Variants in ZNRF2 observed in about 807,000 individuals in gnomAD.
ZNRF2 encodes E3 ubiquitin-protein ligase ZNRF2.
In ZNRF2, 16 loss-of-function variants were observed where a neutral mutation model predicts 20.4. The observed-to-expected ratio is 0.79, with a 90% confidence interval of 0.53 to 1.19. The LOEUF (loss-of-function observed/expected upper bound fraction) is 1.19. Ranked by LOEUF, ZNRF2 falls within the 50% of genes most tolerant of loss-of-function variation. The pLI, the probability that ZNRF2 is intolerant of heterozygous loss-of-function variation, is 0.00. For missense variants in ZNRF2, 363 were observed against 332.4 expected, an observed-to-expected ratio of 1.09 and a Z score of -0.72; for synonymous variants, 178 against 144.9, an observed-to-expected ratio of 1.23 and a Z score of -1.64.
intron 1 of ZNRF2, among the ~76,000 whole-genome samples, chr7:30,296,749 A>G (rs528656758): frequency 6.6e-6 from 1 of 152,350 alleles, no homozygotes; most frequent in East Asian, 1.9e-4. Flanking sequence ...GTTTCTTTAA[A>G]ACAAAATAAC....
intron 2 of ZNRF2, among the ~76,000 whole-genome samples, chr7:30,350,427 C>T (rs1301211546): frequency 6.6e-6 from 1 of 151,908 alleles, no homozygotes; most frequent in African/African-American, 2.4e-5. Flanking sequence ...ACTAGAGAGG[C>T]ATTGAAAAAG....
At chr7:30,319,973 A>G (rs530336716) in intron 1 of ZNRF2, among the ~76,000 whole-genome samples, 2 of 152,284 alleles carry the variant, frequency 1.3e-5, no homozygotes, top group East Asian at 3.9e-4. Context: ...GATAATTCCT[A>G]TAGTTGTTTA....
In ZNRF2 at chr7:30,355,820, A is replaced by G. The variant is rs1291550203; in HGVS notation, c.658A>G (p.Ile220Val). Residue 220 changes from isoleucine to valine, a missense_variant, in exon 3 of 5, where the codon ATA becomes GTA. Coordinates refer to ENST00000323037, the MANE Select transcript of ZNRF2 (RefSeq NM_147128.4). ...DTIARLPCLC[I>V]YHKGCIDEWF... ...TATAGCACGACTGCCTTGTCTATGC[A>G]TATATCATAAAGGGTAAGTTCACCA... The G allele has an allele frequency of 6.2e-7, 1 of 1,612,292 alleles. No homozygotes were observed. Among genetic ancestry groups the G allele is most frequent in the African/African-American group, 1.3e-5 (1 of 74,876 alleles).
rs936965004 is a variant in ZNRF2 at position 30,284,688 on chromosome 7, C to G, written c.-670C>G. ...ACCTCCTCCCCATCTGCGCACCCCC[C>G]GCCTTCGCGGCCCAGATCCTCCCGC... On this transcript the variant is annotated 5_prime_UTR_variant, in exon 1 of 5. Coordinates refer to ENST00000323037, the MANE Select transcript of ZNRF2 (RefSeq NM_147128.4). The G allele has an allele frequency of 6.2e-6, 1 of 161,120 alleles. No individual in the cohort carries two copies. The highest frequency in any genetic ancestry group is 1.9e-4 in the East Asian group (1 of 5,202). The allele number at this position is 161,120 out of a possible 1,614,324, so 10.0% of individuals were successfully genotyped here. A position where few individuals can be genotyped will look rare whatever the true frequency, so the allele number is the denominator to read the frequency against.
At chr7:30,304,657 G>A (rs1237705433) in intron 1 of ZNRF2, among the ~76,000 whole-genome samples, 1 of 152,172 alleles carries the variant, frequency 6.6e-6, no homozygotes, top group Non-Finnish European at 1.5e-5. Context: ...AGTCTATTAT[G>A]TTTAGGGCCA....
rs1162260313 is a variant in ZNRF2 at position 30,366,799 on chromosome 7, TAATC to T, written c.*789_*792del. On this transcript the variant is annotated 3_prime_UTR_variant, in exon 5 of 5. Coordinates refer to ENST00000323037, the MANE Select transcript of ZNRF2 (RefSeq NM_147128.4). ...CTCTTAAATAAAACTGCTCAACAGT[TAATC>T]AGCAGTGAATCATCTTGCAGCTATG... is the stretch of plus-strand genomic sequence containing the variant. 3.3e-5 allele frequency: 5 copies of T among 152,582 alleles called. No homozygotes were observed. Among genetic ancestry groups the T allele is most frequent in the African/African-American group, 1.2e-4 (5 of 41,450 alleles). The allele number at this position is 152,582 out of a possible 1,614,324, so 9.5% of individuals were successfully genotyped here. A position where few individuals can be genotyped will look rare whatever the true frequency, so the allele number is the denominator to read the frequency against.
intron 1 of ZNRF2, among the ~76,000 whole-genome samples, chr7:30,296,925 ATTTC>A (rs1362449476): frequency 6.6e-6 from 1 of 152,134 alleles, no homozygotes; most frequent in Admixed American, 6.5e-5. Flanking sequence ...AGAGTAGATA[ATTTC>A]TTTAGCTGTT....
chr7:30,285,680 G>T lies in ZNRF2; in HGVS notation c.323G>T (p.Ser108Ile). The T allele has an allele frequency of 2.1e-6, 3 of 1,449,184 alleles. No homozygotes were observed. The highest frequency in any genetic ancestry group is 2.7e-6 in the Non-Finnish European group (3 of 1,107,274). The allele number at this position is 1,449,184 out of a possible 1,614,324, so 89.8% of individuals were successfully genotyped here. Residue 108 changes from serine to isoleucine, a missense_variant, in exon 1 of 5, where the codon AGC becomes ATC. By Grantham distance (142) the Ser-to-Ile change is moderately radical. This residue lies in a region of ZNRF2 where 302 missense variants were observed against 231.5 expected (regional missense o/e 1.30). Coordinates refer to ENST00000323037, the MANE Select transcript of ZNRF2 (RefSeq NM_147128.4). ...CCCTTCAGCATCCCGAACAGCAGCA[G>T]CGGCCCGTACGGCTCGCAGGACTCG... The part of the protein sequence containing the change: ...QSPFSIPNSS[S>I]GPYGSQDSVH...
At chr7:30,294,347 C>T (rs1390646513) in intron 1 of ZNRF2, among the ~76,000 whole-genome samples, 5 of 152,116 alleles carry the variant, frequency 3.3e-5, no homozygotes, top group Admixed American at 6.5e-5. Flanking sequence ...ATTTTTGTTT[C>T]TTTTAAAATC....
chr7:30,298,869 G>A (rs1028303905), intron 1 of ZNRF2, among the ~76,000 whole-genome samples: 8 of 152,256 alleles, frequency 5.3e-5, no homozygotes, highest in Admixed American at 5.2e-4. Flanking sequence ...CAGTTCTTGT[G>A]CCTGCTGTAA....
At chr7:30,334,180 A>G (rs2127950005) in intron 2 of ZNRF2, among the ~76,000 whole-genome samples, 1 of 152,240 alleles carries the variant, frequency 6.6e-6, no homozygotes, top group East Asian at 1.9e-4. Context: ...ATATAATAAA[A>G]GGTAGGGGTT....
chr7:30,363,732 G>T (rs1054840358), intron 4 of ZNRF2, among the ~76,000 whole-genome samples: 1 of 150,750 alleles, frequency 6.6e-6, no homozygotes, highest in Non-Finnish European at 1.5e-5. Context: ...ATTGAATGCT[G>T]ACCTCAATTG....
intron 2 of ZNRF2, among the ~76,000 whole-genome samples, chr7:30,343,952 C>T (rs1393682049): frequency 3.9e-5 from 5 of 128,412 alleles, no homozygotes; most frequent in Non-Finnish European, 7.9e-5. Flanking sequence ...CCGAGTCTTG[C>T]TCTGTCACTC....
intron 1 of ZNRF2, among the ~76,000 whole-genome samples, chr7:30,295,050 A>AGAGAGAGAGTGT (rs1412764480): frequency 1.0e-3 from 39 of 38,276 alleles, no homozygotes; most frequent in Non-Finnish European, 1.4e-3. Flanking sequence ...AGAGAGAGAG[A>AGAGAGAGAGTGT]GTGTGTGTGT....
At chr7:30,318,551 T>A (rs1387161565) in intron 1 of ZNRF2, among the ~76,000 whole-genome samples, 5 of 152,230 alleles carry the variant, frequency 3.3e-5, no homozygotes, top group African/African-American at 4.8e-5. Flanking sequence ...ATCTCACCTG[T>A]ATTTTTCCTG....
Position 30,367,559 on chromosome 7 carries a change from T to C in ZNRF2, c.*1547T>C, listed in dbSNP as rs564970056. ...TTTAACGCTGCTACTCTTAATCTTC[T>C]CTAAATTTTTCCCCCTACTTTCTTG... On this transcript the variant is annotated 3_prime_UTR_variant, in exon 5 of 5. Coordinates refer to ENST00000323037, the MANE Select transcript of ZNRF2 (RefSeq NM_147128.4). The C allele has an allele frequency of 1.3e-5, 2 of 152,024 alleles. No homozygotes were observed. The highest frequency in any genetic ancestry group is 2.9e-5 in the Non-Finnish European group (2 of 67,896). The allele number at this position is 152,024 out of a possible 1,614,324, so 9.4% of individuals were successfully genotyped here. A position where few individuals can be genotyped will look rare whatever the true frequency, so the allele number is the denominator to read the frequency against.
chr7:30,337,014 G>A (rs141441045), intron 2 of ZNRF2, among the ~76,000 whole-genome samples: 158 of 152,198 alleles, frequency 1.0e-3, no homozygotes, highest in African/African-American at 3.7e-3. Flanking sequence ...TACATAGTCT[G>A]ACAAATTTAA....
intron 1 of ZNRF2, among the ~76,000 whole-genome samples, chr7:30,309,793 A>G (rs1799264528): frequency 6.6e-6 from 1 of 152,214 alleles, no homozygotes; most frequent in South Asian, 2.1e-4. Flanking sequence ...TCAGGAAAGT[A>G]TAGATATGTA....
chr7:30,287,490 G>A (rs1388998138), intron 1 of ZNRF2, among the ~76,000 whole-genome samples: 1 of 152,186 alleles, frequency 6.6e-6, no homozygotes, highest in Non-Finnish European at 1.5e-5. Context: ...AATTCCCTTT[G>A]AGAAACATTA....
Sources: allele counts gnomAD v4.1 joint callset (sites outside exome capture counted in the v4.1 genomes callset), GRCh38; gene constraint gnomAD v4.1.1; regional missense constraint gnomAD v4.1.1; transcripts MANE v1.5; gene names NCBI Gene and HGNC (gene_info 2026-07-23, HGNC 2026-07-21).